The following SUFU variants were observed in gnomAD, a reference collection of about 807,000 sequenced individuals.
SUFU encodes suppressor of fused homolog.
Under a neutral mutation model 58.9 loss-of-function variants are expected in SUFU, and 7 were observed. The observed-to-expected ratio is 0.12, with a 90% CI of 0.07 to 0.22. SUFU has a LOEUF of 0.22. Ranked by LOEUF, SUFU falls within the 10% of genes least tolerant of loss-of-function variation. SUFU has a pLI of 1.00. For synonymous variants in SUFU, 232 were observed against 254.8 expected, an observed-to-expected ratio of 0.91 and a Z score of 0.85; for missense variants, 451 against 641.3, an observed-to-expected ratio of 0.70 and a Z score of 3.20.
intron 3 of SUFU, among the ~76,000 whole-genome samples, chr10:102,583,538 T>C (rs1390298993): frequency 6.6e-6 from 1 of 152,192 alleles, no homozygotes; most frequent in Non-Finnish European, 1.5e-5. Context: ...ACAAAGTGCT[T>C]TTTGGTCATT....
intron 2 of SUFU, among the ~76,000 whole-genome samples, chr10:102,545,088 G>A (rs12265384): frequency 6.6e-6 from 1 of 151,290 alleles, no homozygotes; most frequent in Non-Finnish European, 1.5e-5. Context: ...TGATGTATAC[G>A]TTTTCATGTG....
At chr10:102,515,819 C>T (rs902480550) in intron 2 of SUFU, among the ~76,000 whole-genome samples, 2 of 152,160 alleles carry the variant, frequency 1.3e-5, no homozygotes, top group African/African-American at 4.8e-5. Context: ...TCTGCAGGCT[C>T]ATTGGGGGGC....
rs558982092 is a variant in SUFU at position 102,541,462 on chromosome 10, G to C, written c.318-8508G>C. Among the ~76,000 whole-genome samples, 365 of 150,234 alleles carry C rather than the reference G, an allele frequency of 2.4e-3. 2 individuals carry two copies. The highest frequency in any genetic ancestry group is 4.4e-3 in the Non-Finnish European group (298 of 67,700). ...CACCCAGGCTGGAGTGCAGTGGTGC[G>C]ATCTCGGCTCACTGCAACCTCTGCC... On this transcript the variant is annotated intron_variant, in intron 2 of 11. Coordinates refer to ENST00000369902, the MANE Select transcript of SUFU (RefSeq NM_016169.4).
At chr10:102,572,590 A>G (rs986967220) in intron 3 of SUFU, among the ~76,000 whole-genome samples, 1 of 151,480 alleles carries the variant, frequency 6.6e-6, no homozygotes, top group Non-Finnish European at 1.5e-5. Context: ...GGGTTTTGCC[A>G]TCTTGCCCAG....
At chr10:102,601,851 G>C (rs1019348715) in intron 8 of SUFU, among the ~76,000 whole-genome samples, 1 of 152,174 alleles carries the variant, frequency 6.6e-6, no homozygotes, top group East Asian at 1.9e-4. Context: ...CTCCCTGTTG[G>C]GGGGCAGCCA....
intron 3 of SUFU, among the ~76,000 whole-genome samples, chr10:102,557,170 A>G (rs1457305468): frequency 6.6e-6 from 1 of 151,678 alleles, no homozygotes; most frequent in Non-Finnish European, 1.5e-5. Context: ...GGTCAAGGCT[A>G]CAGTTAGCTG....
chr10:102,630,243 C>A lies in SUFU; in HGVS notation c.*88C>A. The A allele has an allele frequency of 1.7e-6, 2 of 1,166,224 alleles. 1 individual carries two copies. The highest frequency in any genetic ancestry group is 2.4e-5 in the South Asian group (2 of 81,964). The allele number at this position is 1,166,224 out of a possible 1,614,324, so 72.2% of individuals were successfully genotyped here. ...AACAGTTGTGTCAACGAGATCTCCA[C>A]AAATAAAAGGACAAGTGTGAGGAAG... On this transcript the variant is annotated 3_prime_UTR_variant, in exon 12 of 12. Transcript: ENST00000369902.
At chr10:102,535,484 C>CAAA (rs11389840) in intron 2 of SUFU, among the ~76,000 whole-genome samples, 6 of 113,712 alleles carry the variant, frequency 5.3e-5, no homozygotes, top group East Asian at 2.7e-4. Context: ...GACTCCGTCT[C>CAAA]AAAAAAAAAA....
intron 2 of SUFU, among the ~76,000 whole-genome samples, chr10:102,536,683 A>T (rs1347376700): frequency 3.3e-5 from 5 of 151,826 alleles, no homozygotes; most frequent in Admixed American, 3.3e-4. Context: ...TTTCCCTTAT[A>T]TATTTTACTC....
At chr10:102,555,708 T>G (rs2135757373) in intron 3 of SUFU, among the ~76,000 whole-genome samples, 1 of 152,300 alleles carries the variant, frequency 6.6e-6, no homozygotes, top group South Asian at 2.1e-4. Flanking sequence ...CCCCTTATTG[T>G]AAATATTTTG....
chr10:102,596,465 G>A (rs1014716873), intron 6 of SUFU, among the ~76,000 whole-genome samples: 8 of 152,210 alleles, frequency 5.3e-5, no homozygotes, highest in African/African-American at 1.9e-4. Context: ...GCAGGGTCTC[G>A]ATGGGGAGAG....
chr10:102,566,476 A>G (rs990158758), intron 3 of SUFU, among the ~76,000 whole-genome samples: 36 of 152,038 alleles, frequency 2.4e-4, no homozygotes, highest in Non-Finnish European at 5.0e-4. Context: ...TTAAAAGTAC[A>G]AAAATTAGGT....
At chr10:102,507,402 C>T (rs1589973558) in intron 1 of SUFU, among the ~76,000 whole-genome samples, 1 of 152,304 alleles carries the variant, frequency 6.6e-6, no homozygotes, top group East Asian at 1.9e-4. Context: ...AGTTCTGTAG[C>T]TCTAATGGGG....
At chr10:102,527,745 G>A (rs2062628113) in intron 2 of SUFU, among the ~76,000 whole-genome samples, 1 of 151,356 alleles carries the variant, frequency 6.6e-6, no homozygotes, top group South Asian at 2.1e-4. Context: ...CCTTGCCCTT[G>A]GGGAACTGAA....
At chr10:102,522,231 G>A (rs951636248) in intron 2 of SUFU, among the ~76,000 whole-genome samples, 2 of 152,298 alleles carry the variant, frequency 1.3e-5, no homozygotes, top group African/African-American at 2.4e-5. Flanking sequence ...CCTCCTTGAC[G>A]TCTCACAGCA....
At chr10:102,582,499 G>A (rs999217497) in intron 3 of SUFU, among the ~76,000 whole-genome samples, 1 of 152,088 alleles carries the variant, frequency 6.6e-6, no homozygotes, top group African/African-American at 2.4e-5. Context: ...TGTCAGGGAG[G>A]TGGGGGTGGG....
At chr10:102,505,445 A>C (rs2062312940) in intron 1 of SUFU, among the ~76,000 whole-genome samples, 1 of 152,190 alleles carries the variant, frequency 6.6e-6, no homozygotes, top group African/African-American at 2.4e-5. Flanking sequence ...ATGAGTCTTG[A>C]AAGACTGTTC....
intron 1 of SUFU, among the ~76,000 whole-genome samples, chr10:102,505,886 CTTG>C (rs1030724862): frequency 1.3e-5 from 2 of 151,966 alleles, no homozygotes; most frequent in African/African-American, 4.8e-5. Context: ...TTGTGATGAA[CTTG>C]TTGTCATGTG....
At chr10:102,555,141 G>A (rs899443834) in intron 3 of SUFU, among the ~76,000 whole-genome samples, 3 of 151,810 alleles carry the variant, frequency 2.0e-5, no homozygotes, top group Non-Finnish European at 2.9e-5. Flanking sequence ...GGTGGTGGGC[G>A]CCTGTGGTCC....
Sources: allele counts gnomAD v4.1 joint callset (sites outside exome capture counted in the v4.1 genomes callset), GRCh38; gene constraint gnomAD v4.1.1; transcripts MANE v1.5; gene names NCBI Gene and HGNC (gene_info 2026-07-23, HGNC 2026-07-21).